The following DNA2 variants were observed in gnomAD, a reference collection of about 807,000 sequenced individuals.
The protein encoded by DNA2 is DNA replication helicase/nuclease 2, also known as DNA replication ATP-dependent helicase/nuclease DNA2.
DNA2 carries 101 observed loss-of-function variants against 119.1 expected under a neutral mutation model. That is an observed-to-expected ratio of 0.85 (90% CI 0.72 to 1.00). DNA2 has a LOEUF of 1.00. DNA2 is among the 50% of genes least tolerant of loss of function. The pLI is 0.00. For synonymous variants in DNA2, 366 were observed against 424.4 expected, an observed-to-expected ratio of 0.86 and a Z score of 1.69; for missense variants, 1,121 against 1,255.5, an observed-to-expected ratio of 0.89 and a Z score of 1.62.
At position 68,422,236 on chromosome 10, in the gene DNA2, T is replaced by C. The variant is rs1411733364; in HGVS notation, c.2686A>G (p.Asn896Asp). The stretch of plus-strand genomic sequence containing the variant: ...ATTTTTTTTTTTACCTTGTCTGTAT[T>C]AAGGAAACAAACAGGATTGTTGGGT... ...FEPNNPVCFL[N>D]TDKVPAPEQV... The change falls in exon 17 of 21, where the codon AAT becomes GAT. Residue 896 changes from asparagine to aspartate, a missense_variant. Asn to Asp is a conservative substitution (Grantham distance 23). Transcript: ENST00000358410. The C allele has an allele frequency of 1.3e-6, 2 of 1,594,192 alleles. No homozygotes were observed. The highest frequency in any genetic ancestry group is 1.7e-6 in the Non-Finnish European group (2 of 1,172,728).
rs1278031884 is a variant in DNA2 at position 68,437,024 on chromosome 10, A to T, written c.1633T>A (p.Cys545Ser). The change falls in exon 10 of 21, where the codon TGT (cysteine) becomes AGT (serine). Residue 545 changes from cysteine to serine, a missense_variant. Physicochemically the swap from Cys to Ser is moderately radical, Grantham distance 112. Coordinates refer to ENST00000358410, the MANE Select transcript of DNA2 (RefSeq NM_001080449.3). Reference sequence around the variant, plus strand: ...ACATTTCATTACCTGTCTAATAAACAAGTTACTGTTGTCATGTTAATCTCC... The same window carrying T: ...ACATTTCATTACCTGTCTAATAAACTAGTTACTGTTGTCATGTTAATCTCC... ...VKEINMTTVT[C>S]LLDRNLSVLP... The T allele has an allele frequency of 6.2e-7, 1 of 1,608,222 alleles. No homozygotes were observed. Among genetic ancestry groups the T allele is most frequent in the Admixed American group, 1.7e-5 (1 of 58,798 alleles).
intron 5 of DNA2, among the ~76,000 whole-genome samples, chr10:68,451,870 G>A (rs1380549764): frequency 6.6e-6 from 1 of 150,830 alleles, no homozygotes; most frequent in Non-Finnish European, 1.5e-5. Flanking sequence ...GATTACAGGA[G>A]TGAGCCACCA....
At chr10:68,442,461 A>G (rs1336188433) in intron 9 of DNA2, among the ~76,000 whole-genome samples, 1 of 151,614 alleles carries the variant, frequency 6.6e-6, no homozygotes, top group East Asian at 1.9e-4. Flanking sequence ...ATCTTGGTTG[A>G]CTGCAGCCTC....
chr10:68,418,284 T>C (rs2133354203), intron 19 of DNA2, among the ~76,000 whole-genome samples: 1 of 152,074 alleles, frequency 6.6e-6, no homozygotes, highest in Admixed American at 6.6e-5. Flanking sequence ...AAGATGGCGA[T>C]GCCTGTAATC....
chr10:68,446,253 G>C (rs752329260), intron 7 of DNA2, 43 bp downstream of exon 7: 17 of 1,032,964 alleles, frequency 1.6e-5, no homozygotes, highest in Middle Eastern at 2.0e-4. Context: ...GCTGAAGTGG[G>C]GGGGTGGGCA....
intron 4 of DNA2, among the ~76,000 whole-genome samples, chr10:68,459,929 A>T (rs1047985109): frequency 1.3e-5 from 2 of 151,704 alleles, no homozygotes; most frequent in African/African-American, 4.8e-5. Flanking sequence ...TGGGAGGCTG[A>T]GGCAGGAGAA....
At chr10:68,459,348 A>G (rs186272805) in intron 4 of DNA2, 113 bp from the exon 5 acceptor site, 4 of 1,141,098 alleles carry the variant, frequency 3.5e-6, no homozygotes, top group Non-Finnish European at 4.8e-6. Context: ...AAAAAAATAC[A>G]TATAAGCAAC....
intron 9 of DNA2, among the ~76,000 whole-genome samples, chr10:68,440,067 G>A (rs1330644693): frequency 6.6e-6 from 1 of 151,998 alleles, no homozygotes; most frequent in Non-Finnish European, 1.5e-5. Context: ...ATTTTGGGAG[G>A]CTGAGGTGGG....
intron 10 of DNA2, among the ~76,000 whole-genome samples, chr10:68,434,480 C>A (rs1212146167): frequency 1.3e-5 from 2 of 148,870 alleles, no homozygotes; most frequent in Admixed American, 6.7e-5. Flanking sequence ...AGACCCCCCC[C>A]ATCTCTACAA....
At position 68,461,760 on chromosome 10, in the gene DNA2, G is replaced by A. The variant is rs561506176; in HGVS notation, c.588-2525C>T. ...AGATAATTGCTTGAACCCGGAAGGCGGAGGTTTCGGTGAGCTGAGATCATG... is the reference window on the plus strand; with the variant it reads ...AGATAATTGCTTGAACCCGGAAGGCAGAGGTTTCGGTGAGCTGAGATCATG... On this transcript the variant is annotated intron_variant, in intron 4 of 20. Coordinates refer to ENST00000358410, the MANE Select transcript of DNA2 (RefSeq NM_001080449.3). Among the ~76,000 whole-genome samples the A allele has an allele frequency of 7.3e-5, 11 of 151,108 alleles. No homozygotes were observed. The South Asian group carries it at 1.1e-3, about 14-fold the overall frequency.
At chr10:68,417,239 C>CA (rs34123746) in intron 19 of DNA2, among the ~76,000 whole-genome samples, 141 of 110,248 alleles carry the variant, frequency 1.3e-3, no homozygotes, top group South Asian at 3.1e-3. Context: ...CCTAGCCTCT[C>CA]AAAAAAAAAA....
In DNA2 at chr10:68,429,039, G is replaced by A. The variant is rs527831244; in HGVS notation, c.2208+1397C>T. On this transcript the variant is annotated intron_variant, in intron 14 of 20. Transcript: ENST00000358410. Reference sequence around the variant, plus strand: ...GTAAAATGTTTAATTTAATAAAAATGTTAACCAGATATACATCTTAGCCAG... The same window carrying A: ...GTAAAATGTTTAATTTAATAAAAATATTAACCAGATATACATCTTAGCCAG... 2.6e-5 allele frequency among the ~76,000 whole-genome samples: 4 copies of A among 152,196 alleles called. No individual in the cohort carries two copies. In the South Asian group the frequency reaches 8.3e-4, roughly 32 times the overall value.
intron 8 of DNA2, among the ~76,000 whole-genome samples, chr10:68,444,050 A>C (rs1434624730): frequency 6.6e-6 from 1 of 152,222 alleles, no homozygotes; most frequent in Non-Finnish European, 1.5e-5. Context: ...TGAGGTCAGG[A>C]GTTCAAGACC....
chr10:68,436,292 T>A (rs2051887727), intron 10 of DNA2, among the ~76,000 whole-genome samples: 1 of 152,118 alleles, frequency 6.6e-6, no homozygotes, highest in Non-Finnish European at 1.5e-5. Context: ...TTTGCAAACA[T>A]TAGGCTAAGT....
At chr10:68,450,395 C>A in intron 5 of DNA2, 148 bp from the exon 6 acceptor site, 1 of 657,746 alleles carries the variant, frequency 1.5e-6, no homozygotes, top group Non-Finnish European at 2.6e-6. Flanking sequence ...AACTTGGTCC[C>A]TGGACCAGTA....
At chr10:68,446,458 G>T in intron 6 of DNA2, 45 bp from the exon 7 acceptor site, 1 of 1,176,794 alleles carries the variant, frequency 8.5e-7, no homozygotes, top group Non-Finnish European at 1.2e-6. Flanking sequence ...ATAACTTCTT[G>T]TATTTCCTTA....
chr10:68,431,551 C>T (rs935522831), intron 13 of DNA2, among the ~76,000 whole-genome samples: 7 of 152,190 alleles, frequency 4.6e-5, no homozygotes, highest in Non-Finnish European at 8.8e-5. Flanking sequence ...TCCTAAAGTG[C>T]TGGGATTACA....
intron 14 of DNA2, among the ~76,000 whole-genome samples, chr10:68,429,723 A>AG (rs1027354639): frequency 1.4e-5 from 2 of 147,118 alleles, no homozygotes; most frequent in African/African-American, 5.0e-5. Flanking sequence ...AAAAAAAAAA[A>AG]AAAAAAAAGA....
At chr10:68,423,758 G>A (rs1033292445) in intron 14 of DNA2, among the ~76,000 whole-genome samples, 1 of 152,170 alleles carries the variant, frequency 6.6e-6, no homozygotes, top group Non-Finnish European at 1.5e-5. Flanking sequence ...GACCACATCA[G>A]AAGCCTAGAC....
Sources: gnomAD v4.1 joint callset for allele counts (sites outside exome capture counted in the v4.1 genomes callset) on GRCh38, gnomAD v4.1.1 for gene constraint, MANE v1.5 for transcripts, NCBI Gene and HGNC (gene_info 2026-07-23, HGNC 2026-07-21) for gene names.